LRBA: variants seen among roughly 807,000 people sequenced by gnomAD.
The protein encoded by LRBA is lipopolysaccharide-responsive and beige-like anchor protein.
Under a neutral mutation model 330.0 loss-of-function variants are expected in LRBA, and 176 were observed. The ratio of observed to expected loss-of-function variants is 0.53; its 90% confidence interval spans 0.47 to 0.60. LRBA has a LOEUF of 0.60. Ranked by LOEUF, LRBA falls within the 20% of genes least tolerant of loss-of-function variation. LRBA has a pLI of 0.00. For synonymous variants in LRBA, 1,230 were observed against 1,193.0 expected (o/e 1.03, Z -0.64); for missense variants, 3,259 against 3,444.8 (o/e 0.95, Z 1.35).
intron 33 of LRBA, among the ~76,000 whole-genome samples, chr4:150,800,966 G>T (rs1421278398): frequency 6.6e-6 from 1 of 152,072 alleles, no homozygotes; most frequent in East Asian, 1.9e-4. Context: ...TCAGTGAAAG[G>T]ATTAAATGAC....
intron 53 of LRBA, among the ~76,000 whole-genome samples, chr4:150,294,662 T>C (rs1246855538): frequency 1.3e-5 from 2 of 152,108 alleles, no homozygotes; most frequent in Non-Finnish European, 2.9e-5. Context: ...TAAGTAGTAG[T>C]AGCAGCAGGC....
chr4:150,877,524 T>C (rs549265401), intron 17 of LRBA, among the ~76,000 whole-genome samples: 11 of 152,310 alleles, frequency 7.2e-5, no homozygotes, highest in African/African-American at 2.2e-4. Flanking sequence ...CAATCAGATA[T>C]ATAAAACAAC....
chr4:150,933,363 CT>C (rs945895372), intron 2 of LRBA, among the ~76,000 whole-genome samples: 2 of 136,834 alleles, frequency 1.5e-5, no homozygotes, highest in African/African-American at 5.9e-5. Context: ...AAGACTCTGT[CT>C]CAAAAAAAAA....
At chr4:150,436,686 T>C in intron 45 of LRBA, 38 bp downstream of exon 45, 1 of 1,571,428 alleles carries the variant, frequency 6.4e-7, no homozygotes, top group Non-Finnish European at 8.7e-7. Context: ...CAACACTGAA[T>C]TTATTTAGCC....
intron 9 of LRBA, among the ~76,000 whole-genome samples, chr4:150,911,986 T>C (rs1732046950): frequency 6.6e-6 from 1 of 152,190 alleles, no homozygotes; most frequent in Non-Finnish European, 1.5e-5. Context: ...GCATATACTT[T>C]TCATAGCATT....
intron 46 of LRBA, chr4:150,423,081 T>C (rs971334515): frequency 2.5e-6 from 2 of 807,056 alleles, no homozygotes; most frequent in Middle Eastern, 2.2e-4. Flanking sequence ...GTGTGACCTC[T>C]GGGGAAGAGC....
Position 150,897,966 on chromosome 4 carries a change from GAAAGACAAGTGTTTAATCTT to G in LRBA, c.1925-168_1925-149del, listed in dbSNP as rs945553543. 7 of 606,972 alleles carry G rather than the reference GAAAGACAAGTGTTTAATCTT, an allele frequency of 1.2e-5. No individual in the cohort carries two copies. The African/African-American group carries it at 1.3e-4, about 11-fold the overall frequency. The allele number at this position is 606,972 out of a possible 1,614,324, so 37.6% of individuals were successfully genotyped here. On this transcript the variant is annotated intron_variant, in intron 14 of 56. Transcript: ENST00000651943. ...TACAGAATGACCTTTTATGCCTCTA[GAAAGACAAGTGTTTAATCTT>G]ACATGCACTGTATACACAATATTTC...
At chr4:150,270,068 CTG>C (rs1255382145) in intron 56 of LRBA, among the ~76,000 whole-genome samples, 1 of 152,158 alleles carries the variant, frequency 6.6e-6, no homozygotes, top group African/African-American at 2.4e-5. Context: ...GTTAGGACAA[CTG>C]TTAAAAAATA....
At chr4:150,676,812 C>T (rs1412934636) in intron 37 of LRBA, among the ~76,000 whole-genome samples, 1 of 152,192 alleles carries the variant, frequency 6.6e-6, no homozygotes, top group Non-Finnish European at 1.5e-5. Flanking sequence ...CCCCAAACTA[C>T]AACTTCTAGT....
intron 17 of LRBA, among the ~76,000 whole-genome samples, chr4:150,878,182 A>G (rs1754274369): frequency 6.6e-6 from 1 of 151,858 alleles, no homozygotes; most frequent in East Asian, 1.9e-4. Flanking sequence ...AAAATACAAA[A>G]AAAAAAAATA....
In LRBA at chr4:150,315,645, G is replaced by A. The variant is rs200816204; in HGVS notation, c.7631-22C>T. ...TGAGCTGGAATTCACAAAAGATAAA[G>A]AAAAAAGGCATTATTTTTTATATAC... On this transcript the variant is annotated intron_variant, in intron 50 of 56. Coordinates refer to ENST00000651943, the MANE Select transcript of LRBA (RefSeq NM_001364905.1). 9.9e-6 allele frequency: 15 copies of A among 1,510,754 alleles called. No individual in the cohort carries two copies. The Admixed American group carries it at 1.1e-4, about 11-fold the overall frequency. 93.6% of individuals were successfully genotyped at this position (1,510,754 alleles called of 1,614,324 possible). A position where few individuals can be genotyped will look rare whatever the true frequency, so the allele number is the denominator to read the frequency against.
At chr4:150,848,019 C>CG (rs1189894979) in intron 26 of LRBA, among the ~76,000 whole-genome samples, 24 of 151,650 alleles carry the variant, frequency 1.6e-4, no homozygotes, top group African/African-American at 5.8e-4. Context: ...ACCTCTATAA[C>CG]CCTTTTTTTT....
chr4:150,277,772 G>T, intron 56 of LRBA, 81 bp downstream of exon 56: 1 of 1,393,460 alleles, frequency 7.2e-7, no homozygotes, highest in Non-Finnish European at 1.0e-6. Context: ...AAAGTACTGG[G>T]ATTACAGGTG....
At chr4:150,333,302 CT>C (rs911165110) in intron 48 of LRBA, among the ~76,000 whole-genome samples, 13 of 151,594 alleles carry the variant, frequency 8.6e-5, no homozygotes, top group Admixed American at 2.6e-4. Context: ...TATATATGCC[CT>C]TTTTTTTAAG....
At chr4:150,378,016 TACCA>T (rs1741627520) in intron 47 of LRBA, among the ~76,000 whole-genome samples, 1 of 151,508 alleles carries the variant, frequency 6.6e-6, no homozygotes, top group African/African-American at 2.4e-5. Flanking sequence ...CCCATACCCA[TACCA>T]GGTAAACCTA....
chr4:150,999,553 G>A (rs1549512), intron 2 of LRBA, among the ~76,000 whole-genome samples: 106,392 of 151,670 alleles, frequency 0.7, 43,163 homozygotes, highest in Non-Finnish European at 0.91. Flanking sequence ...ATGAGCCACC[G>A]TGCCTGGTCA....
chr4:150,824,265 A>G (rs986936054), intron 30 of LRBA, among the ~76,000 whole-genome samples: 1 of 152,160 alleles, frequency 6.6e-6, no homozygotes, highest in African/African-American at 2.4e-5. Context: ...TTTGTATGCT[A>G]ATTTTTGTCA....
chr4:150,395,022 T>A (rs1040107196), intron 47 of LRBA, among the ~76,000 whole-genome samples: 3 of 152,184 alleles, frequency 2.0e-5, no homozygotes, highest in African/African-American at 7.2e-5. Context: ...AGAAGGACGT[T>A]ATTACCATAG....
At chr4:150,925,174 A>G (rs565588905) in intron 4 of LRBA, among the ~76,000 whole-genome samples, 3,355 of 151,988 alleles carry the variant, frequency 0.022, 112 homozygotes, top group African/African-American at 0.076. Context: ...TAAAAAAAAA[A>G]AAAAGAAAAG....
Sources: allele counts gnomAD v4.1 joint callset (sites outside exome capture counted in the v4.1 genomes callset), GRCh38; gene constraint gnomAD v4.1.1; transcripts MANE v1.5; gene names NCBI Gene and HGNC (gene_info 2026-07-23, HGNC 2026-07-21).